Variants in INPP4B observed in about 807,000 individuals in gnomAD.
INPP4B encodes the protein inositol polyphosphate-4-phosphatase type II B.
In INPP4B, 55 loss-of-function variants were observed where a neutral mutation model predicts 122.5. That is an observed-to-expected ratio of 0.45 (90% CI 0.36 to 0.56). The LOEUF (loss-of-function observed/expected upper bound fraction) is 0.56, where lower values mean the gene tolerates loss of function less well. Among genes scored for constraint, INPP4B ranks in the 20% least tolerant of loss-of-function variants. The pLI is 0.00. For synonymous variants in INPP4B, 403 were observed against 388.7 expected, an observed-to-expected ratio of 1.04 and a Z score of -0.43; for missense variants, 1,000 against 1,097.7, an observed-to-expected ratio of 0.91 and a Z score of 1.26.
intron 7 of INPP4B, chr4:142,347,347 T>C (rs1360945311): frequency 5.0e-6 from 1 of 200,858 alleles, no homozygotes; most frequent in Non-Finnish European, 1.0e-5. Flanking sequence ...GTTTTTCAGA[T>C]GAAAGTGCTA....
At chr4:142,628,923 T>C (rs976596318) in intron 2 of INPP4B, among the ~76,000 whole-genome samples, 5 of 152,114 alleles carry the variant, frequency 3.3e-5, no homozygotes. Context: ...AATAATCCAG[T>C]ACTGTGCAGT....
chr4:142,485,815 C>T (rs1450852955), intron 2 of INPP4B, among the ~76,000 whole-genome samples: 1 of 152,058 alleles, frequency 6.6e-6, no homozygotes, highest in Non-Finnish European at 1.5e-5. Flanking sequence ...TACAAATTAC[C>T]TCCCACATAC....
intron 25 of INPP4B, among the ~76,000 whole-genome samples, chr4:142,042,558 G>GTATGTATT (rs1160267948): frequency 2.0e-4 from 13 of 64,124 alleles, no homozygotes; most frequent in South Asian, 5.5e-4. Context: ...ATGTATGTAT[G>GTATGTATT]TATTTATTTA....
At chr4:142,035,610 C>A (rs1743364276) in intron 25 of INPP4B, among the ~76,000 whole-genome samples, 1 of 152,102 alleles carries the variant, frequency 6.6e-6, no homozygotes, top group African/African-American at 2.4e-5. Flanking sequence ...TTACCAGCAG[C>A]AATTGTTTAT....
chr4:142,387,698 T>C (rs1796405880), intron 7 of INPP4B, among the ~76,000 whole-genome samples: 1 of 152,168 alleles, frequency 6.6e-6, no homozygotes, highest in South Asian at 2.1e-4. Flanking sequence ...TCATGGTTTA[T>C]ATCCTCTGTT....
chr4:142,190,285 C>A (rs17015737), intron 15 of INPP4B, among the ~76,000 whole-genome samples: 8,755 of 151,742 alleles, frequency 0.058, 866 homozygotes, highest in African/African-American at 0.2. Flanking sequence ...GATTTCATGT[C>A]CTGCAAAATG....
chr4:142,059,177 T>C (rs1759303240), intron 25 of INPP4B, among the ~76,000 whole-genome samples: 1 of 152,172 alleles, frequency 6.6e-6, no homozygotes, highest in Non-Finnish European at 1.5e-5. Flanking sequence ...TAGCAAAACA[T>C]GGTGACATTT....
At chr4:142,281,816 T>A (rs1416272724) in intron 9 of INPP4B, among the ~76,000 whole-genome samples, 1 of 152,076 alleles carries the variant, frequency 6.6e-6, no homozygotes. Context: ...CACTCAGTTA[T>A]AAAATCCTGT....
At chr4:142,627,349 T>C (rs1161373531) in intron 2 of INPP4B, among the ~76,000 whole-genome samples, 2 of 148,760 alleles carry the variant, frequency 1.3e-5, no homozygotes, top group Non-Finnish European at 3.0e-5. Context: ...AAGGGAATGC[T>C]TCCAGTTTTT....
chr4:142,220,089 T>C (rs1194417551), intron 12 of INPP4B, among the ~76,000 whole-genome samples: 1 of 152,232 alleles, frequency 6.6e-6, no homozygotes, highest in East Asian at 1.9e-4. Flanking sequence ...TCTACACAAA[T>C]GACTGAGAAG....
At chr4:142,210,865 C>G (rs1844590256) in intron 12 of INPP4B, among the ~76,000 whole-genome samples, 1 of 152,132 alleles carries the variant, frequency 6.6e-6, no homozygotes, top group African/African-American at 2.4e-5. Context: ...TGACCACATT[C>G]TGGGATACTG....
intron 7 of INPP4B, among the ~76,000 whole-genome samples, chr4:142,324,441 C>T (rs1771560735): frequency 6.6e-6 from 1 of 152,092 alleles, no homozygotes; most frequent in Non-Finnish European, 1.5e-5. Flanking sequence ...ACTTCTTTAA[C>T]ATTATACCTG....
chr4:142,539,309 G>C (rs2059513), intron 2 of INPP4B, among the ~76,000 whole-genome samples: 35,470 of 151,640 alleles, frequency 0.23, 5,279 homozygotes, highest in East Asian at 0.78. Flanking sequence ...ATTTGACTGA[G>C]GAATTTTGCT....
At chr4:142,309,427 C>G (rs1764608897) in intron 8 of INPP4B, among the ~76,000 whole-genome samples, 1 of 152,030 alleles carries the variant, frequency 6.6e-6, no homozygotes, top group African/African-American at 2.4e-5. Context: ...AAAATGTTAC[C>G]TATGATCCCT....
intron 7 of INPP4B, among the ~76,000 whole-genome samples, chr4:142,369,756 G>A (rs868033425): frequency 1.2e-4 from 18 of 151,512 alleles, no homozygotes; most frequent in Admixed American, 2.6e-4. Flanking sequence ...GTGAAACCCC[G>A]TCTGTACCAA....
intron 2 of INPP4B, among the ~76,000 whole-genome samples, chr4:142,531,796 A>G (rs1242007440): frequency 6.6e-6 from 1 of 152,144 alleles, no homozygotes; most frequent in Non-Finnish European, 1.5e-5. Context: ...CTATTTCTCA[A>G]CAAAGGAGCC....
At chr4:142,349,852 AATTCCAG>A (rs1302395260) in intron 7 of INPP4B, among the ~76,000 whole-genome samples, 2 of 151,502 alleles carry the variant, frequency 1.3e-5, no homozygotes, top group African/African-American at 4.8e-5. Context: ...ATGCTCAAGT[AATTCCAG>A]ATCTTTCTGA....
chr4:142,690,024 C>T (rs1759938183), intron 2 of INPP4B, among the ~76,000 whole-genome samples: 1 of 152,106 alleles, frequency 6.6e-6, no homozygotes, highest in East Asian at 1.9e-4. Context: ...ATGCACTGTC[C>T]TGTATATTGC....
At chr4:142,031,012 G>A (rs1739612164) in intron 25 of INPP4B, among the ~76,000 whole-genome samples, 1 of 152,046 alleles carries the variant, frequency 6.6e-6, no homozygotes, top group South Asian at 2.1e-4. Flanking sequence ...TTTACAGAGT[G>A]ATACCACAGA....
Sources: allele counts gnomAD v4.1 joint callset (sites outside exome capture counted in the v4.1 genomes callset), GRCh38; gene constraint gnomAD v4.1.1; transcripts MANE v1.5; gene names NCBI Gene and HGNC (gene_info 2026-07-23, HGNC 2026-07-21).